Variants in WDR64 observed in about 807,000 individuals in gnomAD.
WDR64 encodes the protein WD repeat-containing protein 64.
In WDR64, 112 loss-of-function variants were observed where a neutral mutation model predicts 139.3. That is an observed-to-expected ratio of 0.80 (90% confidence interval 0.69 to 0.94). The LOEUF (loss-of-function observed/expected upper bound fraction) is 0.94, where lower values mean the gene tolerates loss of function less well. WDR64 is among the 40% of genes least tolerant of loss of function. The pLI is 0.00. For synonymous variants in WDR64, 444 were observed against 437.7 expected, an observed-to-expected ratio of 1.01 and a Z score of -0.18; for missense variants, 1,206 against 1,293.1, an observed-to-expected ratio of 0.93 and a Z score of 1.03.
chr1:241,677,348 C>A, intron 4 of WDR64: 1 of 398,438 alleles, frequency 2.5e-6, no homozygotes, highest in Non-Finnish European at 4.4e-6. Flanking sequence ...AAGTCAGTCC[C>A]GGGTTAGAAA....
intron 23 of WDR64, among the ~76,000 whole-genome samples, chr1:241,785,137 GC>G (rs753333256): frequency 2.0e-5 from 3 of 151,908 alleles, no homozygotes; most frequent in Non-Finnish European, 4.4e-5. Flanking sequence ...ACACACAGAC[GC>G]ACACACATGG....
rs747689100 is a variant in WDR64, at chr1:241,711,056, G to T, written c.975-746G>T. On this transcript the variant is annotated intron_variant, in intron 8 of 27. Transcript: ENST00000437684. ...GTTTGAGACCAGCCTGTCCAACATG[G>T]TTAAACACTATCTCTGCTAAAAATA... Among the ~76,000 whole-genome samples the T allele has an allele frequency of 5.9e-5, 9 of 152,234 alleles. No homozygotes were observed. In the South Asian group the frequency reaches 1.2e-3, roughly 21 times the overall value.
rs35285628 is a variant in WDR64 at position 241,772,330 on chromosome 1, G to GAA, written c.2291-449_2291-448dup. Among the ~76,000 whole-genome samples, 569 of 128,780 alleles carry GAA rather than the reference G, an allele frequency of 4.4e-3. 6 individuals are homozygous for GAA. Among genetic ancestry groups the GAA allele is most frequent in the African/African-American group, 0.013 (455 of 34,020 alleles). 84.5% of individuals were successfully genotyped at this position (128,780 alleles called of 152,430 possible). Reference sequence around the variant, plus strand: ...TTGCCCTGACTGAAATTCTCTGGGTGAAAAAAAAAAAAAAGAAAAGGAAAA... The same window carrying GAA: ...TTGCCCTGACTGAAATTCTCTGGGTGAAAAAAAAAAAAAAAAGAAAAGGAAAA... On this transcript the variant is annotated intron_variant, in intron 19 of 27. Coordinates refer to ENST00000437684, the MANE Select transcript of WDR64 (RefSeq NM_001367482.1).
At chr1:241,685,040 A>G (rs1458735558) in intron 7 of WDR64, among the ~76,000 whole-genome samples, 2 of 151,908 alleles carry the variant, frequency 1.3e-5, no homozygotes, top group African/African-American at 4.8e-5. Context: ...TATAGGCTTG[A>G]GCCACCGTGC....
chr1:241,749,123 A>T (rs6666953), intron 13 of WDR64, among the ~76,000 whole-genome samples: 77,700 of 151,996 alleles, frequency 0.51, 22,247 homozygotes, highest in Middle Eastern at 0.67. Context: ...AAAACATGTC[A>T]GCACATTAGG....
chr1:241,739,099 C>T (rs909711651), intron 11 of WDR64, among the ~76,000 whole-genome samples: 5 of 152,144 alleles, frequency 3.3e-5, no homozygotes, highest in South Asian at 4.1e-4. Flanking sequence ...CTTTGCCTCT[C>T]GACGAAGACC....
chr1:241,670,007 T>G (rs1374758888), intron 2 of WDR64, among the ~76,000 whole-genome samples: 1 of 152,202 alleles, frequency 6.6e-6, no homozygotes, highest in African/African-American at 2.4e-5. Context: ...TTTCGTGCAT[T>G]CAACTTTATG....
intron 13 of WDR64, among the ~76,000 whole-genome samples, chr1:241,745,999 T>C (rs1669742501): frequency 2.0e-5 from 3 of 152,300 alleles, no homozygotes; most frequent in Admixed American, 6.5e-5. Context: ...CACGATAATG[T>C]CTTTTAATTG....
intron 3 of WDR64, among the ~76,000 whole-genome samples, chr1:241,671,660 G>C (rs1031239838): frequency 6.6e-6 from 1 of 152,068 alleles, no homozygotes; most frequent in African/African-American, 2.4e-5. Flanking sequence ...TCCCAGTCTG[G>C]GAAGTCTCTA....
intron 14 of WDR64, among the ~76,000 whole-genome samples, chr1:241,752,319 T>A (rs1179917666): frequency 1.3e-5 from 2 of 152,362 alleles, no homozygotes; most frequent in Non-Finnish European, 1.5e-5. Flanking sequence ...TTCATTTAAA[T>A]TTTAAGATTA....
At chr1:241,738,603 C>A in intron 11 of WDR64, 114 bp downstream of exon 11, 1 of 1,098,324 alleles carries the variant, frequency 9.1e-7, no homozygotes, top group Non-Finnish European at 1.3e-6. Flanking sequence ...GGTAATTTAT[C>A]AAACCATGAT....
At chr1:241,702,586 G>C (rs1558480277) in intron 8 of WDR64, among the ~76,000 whole-genome samples, 1 of 151,820 alleles carries the variant, frequency 6.6e-6, no homozygotes, top group African/African-American at 2.4e-5. Context: ...AGATTAGTTT[G>C]TGCACTGGTT....
chr1:241,699,752 A>G (rs1003758085), intron 8 of WDR64, among the ~76,000 whole-genome samples: 1 of 152,208 alleles, frequency 6.6e-6, no homozygotes, highest in Admixed American at 6.5e-5. Flanking sequence ...GAAGATGGTG[A>G]GTTCTCAAAA....
At chr1:241,707,400 C>T (rs6682807) in intron 8 of WDR64, among the ~76,000 whole-genome samples, 5,498 of 152,228 alleles carry the variant, frequency 0.036, 296 homozygotes, top group African/African-American at 0.12. Flanking sequence ...CCTTATGAGC[C>T]CTAGACATTC....
rs77777979 is a variant in WDR64, at chr1:241,665,075, A to C, written c.276+4415A>C. Among the ~76,000 whole-genome samples, 1,115 of 152,206 alleles carry C rather than the reference A, an allele frequency of 7.3e-3. 15 individuals are homozygous for C. The highest frequency in any genetic ancestry group is 0.017 in the Middle Eastern group (5 of 294). ...AAGGAGAAGGAGAGAGAAGAAGAAG[A>C]CTTTAAAAAAACAAAACATATGACA... On this transcript the variant is annotated intron_variant, in intron 2 of 27. Coordinates refer to ENST00000437684, the MANE Select transcript of WDR64 (RefSeq NM_001367482.1).
At chr1:241,744,594 G>A in intron 13 of WDR64, 78 bp downstream of exon 13, 1 of 1,576,618 alleles carries the variant, frequency 6.3e-7, no homozygotes, top group Non-Finnish European at 8.6e-7. Context: ...TCGTTCTTTA[G>A]GGTAGAAGGA....
chr1:241,710,794 G>A (rs1668131977), intron 8 of WDR64, among the ~76,000 whole-genome samples: 1 of 152,218 alleles, frequency 6.6e-6, no homozygotes, highest in African/African-American at 2.4e-5. Context: ...TCAGGGCCAG[G>A]CCAGCCAGGT....
At position 241,799,963 on chromosome 1, in the gene WDR64, A is replaced by G. The variant is rs560964293; in HGVS notation, c.3193-1169A>G. The stretch of plus-strand genomic sequence containing the variant: ...CTAAAAAGTCATTTTTATTGCCTTT[A>G]TCCCACTAGAATGTAAGATCCATGA... On this transcript the variant is annotated intron_variant, in intron 27 of 27. Transcript: ENST00000437684. 3.3e-5 allele frequency among the ~76,000 whole-genome samples: 5 copies of G among 152,276 alleles called. No individual in the cohort carries two copies. The East Asian group carries it at 7.7e-4, about 24-fold the overall frequency.
chr1:241,788,112 G>A, intron 24 of WDR64, 78 bp downstream of exon 24: 1 of 1,295,062 alleles, frequency 7.7e-7, no homozygotes, highest in Non-Finnish European at 1.0e-6. Context: ...CCTTGAGATG[G>A]AGAATTCAAG....
Sources: gnomAD v4.1 joint callset for allele counts (sites outside exome capture counted in the v4.1 genomes callset) on GRCh38, gnomAD v4.1.1 for gene constraint, MANE v1.5 for transcripts, NCBI Gene and HGNC (gene_info 2026-07-23, HGNC 2026-07-21) for gene names.